PXK: variants seen among roughly 807,000 people sequenced by gnomAD.
PXK encodes the protein PX domain containing serine/threonine kinase like, also known as PX domain-containing protein kinase-like protein.
In PXK, 35 loss-of-function variants were observed where a neutral mutation model predicts 84.7. The ratio of observed to expected loss-of-function variants is 0.41; its 90% CI spans 0.32 to 0.55. The LOEUF is 0.55. Ranked by LOEUF, PXK falls within the 20% of genes least tolerant of loss-of-function variation. The pLI is 0.21. For missense variants in PXK, 634 were observed against 699.7 expected, an observed-to-expected ratio of 0.91 and a Z score of 1.06; for synonymous variants, 253 against 260.8, an observed-to-expected ratio of 0.97 and a Z score of 0.29.
At chr3:58,334,567 G>A (rs1468988140) in intron 1 of PXK, among the ~76,000 whole-genome samples, 4 of 152,132 alleles carry the variant, frequency 2.6e-5, no homozygotes, top group African/African-American at 4.8e-5. Context: ...AGAGATAGAT[G>A]TTTCTAAATA....
chr3:58,380,522 G>GA (rs1259611037), intron 3 of PXK, among the ~76,000 whole-genome samples: 1 of 151,900 alleles, frequency 6.6e-6, no homozygotes, highest in Admixed American at 6.6e-5. Flanking sequence ...TTAAAATTCT[G>GA]AAGAAAGGCC....
intron 1 of PXK, among the ~76,000 whole-genome samples, chr3:58,360,084 G>A (rs1168083503): frequency 6.6e-6 from 1 of 152,056 alleles, no homozygotes; most frequent in Admixed American, 6.6e-5. Context: ...GGAGGTCGAG[G>A]CCGCATGCCA....
chr3:58,339,132 C>T (rs2097679412), intron 1 of PXK, among the ~76,000 whole-genome samples: 1 of 151,958 alleles, frequency 6.6e-6, no homozygotes, highest in African/African-American at 2.4e-5. Flanking sequence ...CTTTTAGGTA[C>T]TGGTAATTAG....
At chr3:58,403,802 T>C (rs1331870390) in intron 12 of PXK, 60 bp from the exon 13 acceptor site, 21 of 1,160,166 alleles carry the variant, frequency 1.8e-5, no homozygotes, top group Non-Finnish European at 1.8e-5. Context: ...TCTGCTTTCA[T>C]CCTAGTCTGA....
At chr3:58,418,596 A>G (rs1266188601) in intron 17 of PXK, among the ~76,000 whole-genome samples, 3 of 121,000 alleles carry the variant, frequency 2.5e-5, no homozygotes, top group Non-Finnish European at 5.3e-5. Flanking sequence ...CCTTGGACAA[A>G]TAATTTCTGT....
chr3:58,371,902 A>G (rs1053652764), intron 3 of PXK, among the ~76,000 whole-genome samples: 1 of 152,212 alleles, frequency 6.6e-6, no homozygotes. Context: ...GCAGTGAAAT[A>G]ATTTAAAACA....
At position 58,397,126 on chromosome 3, in the gene PXK, C is replaced by A; in HGVS notation, c.910C>A (p.Leu304Met). 1 of 1,614,186 alleles carries A rather than the reference C, an allele frequency of 6.2e-7. No individual in the cohort carries two copies. The highest frequency in any genetic ancestry group is 8.5e-7 in the Non-Finnish European group (1 of 1,180,008). The change falls in exon 10 of 18, where the codon CTG becomes ATG. Residue 304 changes from leucine to methionine, a missense_variant. Physicochemically the swap from Leu to Met is conservative, Grantham distance 15. Around this residue, in one of 3 missense-constraint regions of PXK, gnomAD observed 353 missense variants for 385.2 expected, o/e 0.92. Transcript: ENST00000356151. The surrounding 1 kb of genome is among the most constrained non-coding windows in gnomAD (Gnocchi z 4.7). ...GCTCGATGGGGACACTTGCCGGCTGCTGGACCTTGAGAATTCCTTATTGGG... is the reference window on the plus strand; with the variant it reads ...GCTCGATGGGGACACTTGCCGGCTGATGGACCTTGAGAATTCCTTATTGGG... Reference protein sequence around the residue: ...VMLDGDTCRLLDLENSLLGLP... With the variant: ...VMLDGDTCRLMDLENSLLGLP...
At chr3:58,363,009 T>G (rs2098214165) in intron 1 of PXK, among the ~76,000 whole-genome samples, 1 of 152,182 alleles carries the variant, frequency 6.6e-6, no homozygotes, top group Non-Finnish European at 1.5e-5. Flanking sequence ...AGCCGCTGAC[T>G]TGGCCCCATC....
intron 1 of PXK, among the ~76,000 whole-genome samples, chr3:58,365,648 A>G (rs761975176): frequency 6.6e-6 from 1 of 152,154 alleles, no homozygotes; most frequent in Admixed American, 6.5e-5. Flanking sequence ...TTTGCCTCAC[A>G]TATTTTACAG....
intron 1 of PXK, among the ~76,000 whole-genome samples, chr3:58,354,690 C>T (rs982286155): frequency 6.6e-6 from 1 of 151,094 alleles, no homozygotes; most frequent in African/African-American, 2.4e-5. Context: ...CCTTGTGAAT[C>T]GCCCACCTCG....
intron 17 of PXK, 93 bp downstream of exon 17, chr3:58,413,056 G>A: frequency 7.5e-7 from 1 of 1,340,000 alleles, no homozygotes; most frequent in Non-Finnish European, 1.1e-6. Flanking sequence ...ACAATTTCAG[G>A]GGTTAGATAG....
intron 1 of PXK, among the ~76,000 whole-genome samples, chr3:58,342,045 C>G (rs957050795): frequency 6.6e-6 from 1 of 150,962 alleles, no homozygotes; most frequent in African/African-American, 2.5e-5. Context: ...TAGTCATCAC[C>G]CTGTTTTATA....
In PXK at chr3:58,382,508, TTA is replaced by T. The variant is rs1491403854; in HGVS notation, c.202-5_202-4del. 15 of 1,525,778 alleles carry T rather than the reference TTA, an allele frequency of 9.8e-6. No individual in the cohort carries two copies. Among genetic ancestry groups the T allele is most frequent in the African/African-American group, 2.8e-5 (2 of 70,770 alleles). 94.5% of individuals were successfully genotyped at this position (1,525,778 alleles called of 1,614,324 possible). ...TGAGTGTAACTTTTTTTTTTTTTTT[TTA>T]AAGATTGCAGGCCTAAGTCTACCTC... On this transcript the variant is annotated splice_polypyrimidine_tract_variant and splice_region_variant and intron_variant, in intron 3 of 17. Transcript: ENST00000356151.
In PXK at chr3:58,409,676, G is replaced by T. The variant is rs941163195; in HGVS notation, c.1395+58G>T. 2 of 1,402,456 alleles carry T rather than the reference G, an allele frequency of 1.4e-6. No individual in the cohort carries two copies. The highest frequency in any genetic ancestry group is 2.9e-5 in the African/African-American group (2 of 68,292). The allele number at this position is 1,402,456 out of a possible 1,614,324, so 86.9% of individuals were successfully genotyped here. On this transcript the variant is annotated intron_variant, in intron 15 of 17. Transcript: ENST00000356151. The surrounding 1 kb of genome is among the most constrained non-coding windows in gnomAD (Gnocchi z 4.2). ...GAGTTCTTGAGTACATGTGAAGAAA[G>T]TTCTAGGTTAATGGTGCCCATTTAA...
At chr3:58,424,115 T>C (rs1386667673) in intron 17 of PXK, among the ~76,000 whole-genome samples, 1 of 152,234 alleles carries the variant, frequency 6.6e-6, no homozygotes, top group Non-Finnish European at 1.5e-5. Flanking sequence ...TGCTAACAGT[T>C]ATTAGCATTT....
intron 1 of PXK, among the ~76,000 whole-genome samples, chr3:58,359,162 A>G (rs965255378): frequency 2.0e-5 from 3 of 152,212 alleles, no homozygotes; most frequent in Non-Finnish European, 4.4e-5. Context: ...ATGTGTTTAT[A>G]TAAAGGAGAC....
At chr3:58,343,924 C>G (rs2097775897) in intron 1 of PXK, among the ~76,000 whole-genome samples, 1 of 152,174 alleles carries the variant, frequency 6.6e-6, no homozygotes, top group Non-Finnish European at 1.5e-5. Flanking sequence ...TCTGAAATTC[C>G]CATAGAGTAT....
Position 58,425,230 on chromosome 3 carries a change from A to G in PXK, c.*270A>G. ...CCTCTAATGGCCAGGCTTTTGGGACAGCAGCATATTGAAATATTTTCACCA... is the reference window on the plus strand; with the variant it reads ...CCTCTAATGGCCAGGCTTTTGGGACGGCAGCATATTGAAATATTTTCACCA... On this transcript the variant is annotated 3_prime_UTR_variant, in exon 18 of 18. Transcript: ENST00000356151. 1 of 399,624 alleles carries G rather than the reference A, an allele frequency of 2.5e-6. No individual in the cohort carries two copies. Among genetic ancestry groups the G allele is most frequent in the Non-Finnish European group, 4.6e-6 (1 of 217,916 alleles). The allele number at this position is 399,624 out of a possible 1,614,324, so 24.8% of individuals were successfully genotyped here. A position where few individuals can be genotyped will look rare whatever the true frequency, so the allele number is the denominator to read the frequency against.
chr3:58,381,372 A>G (rs964203774), intron 3 of PXK, among the ~76,000 whole-genome samples: 1 of 152,070 alleles, frequency 6.6e-6, no homozygotes, highest in Non-Finnish European at 1.5e-5. Flanking sequence ...AAACATCTCT[A>G]GGATAAGGAT....
Sources: gnomAD v4.1 joint callset for allele counts (sites outside exome capture counted in the v4.1 genomes callset) on GRCh38, gnomAD v4.1.1 for gene constraint, gnomAD v4.1.1 regional missense constraint, Gnocchi (gnomAD v3.1) non-coding constraint, MANE v1.5 for transcripts, NCBI Gene and HGNC (gene_info 2026-07-23, HGNC 2026-07-21) for gene names.